Variants in LINGO2 observed in about 807,000 individuals in gnomAD.
LINGO2 encodes leucine rich repeat and Ig domain containing 2, also known as leucine-rich repeat and immunoglobulin-like domain-containing nogo receptor-interacting protein 2.
LINGO2 carries 14 observed loss-of-function variants against 30.6 expected under a neutral mutation model. That is an observed-to-expected ratio of 0.46 (90% confidence interval 0.30 to 0.72). The LOEUF (loss-of-function observed/expected upper bound fraction) is 0.72, where lower values mean the gene tolerates loss of function less well. LINGO2 is among the 30% of genes least tolerant of loss of function. The pLI, the probability that LINGO2 is intolerant of heterozygous loss-of-function variation, is 0.07. For missense variants in LINGO2, 729 were observed against 751.7 expected, an observed-to-expected ratio of 0.97 and a Z score of 0.35; for synonymous variants, 317 against 288.5, an observed-to-expected ratio of 1.10 and a Z score of -1.00.
chr9:28,322,393 C>G (rs143959717), intron 3 of LINGO2, among the ~76,000 whole-genome samples: 1 of 150,734 alleles, frequency 6.6e-6, no homozygotes. Context: ...GAATAGTAAG[C>G]CTCTTTTGCA....
At chr9:28,311,053 C>T (rs147797923) in intron 3 of LINGO2, among the ~76,000 whole-genome samples, 4 of 151,940 alleles carry the variant, frequency 2.6e-5, no homozygotes, top group East Asian at 3.9e-4. Context: ...AAGTGTCAGC[C>T]GGTCTGAGAA....
chr9:28,117,944 A>G (rs1005193715), intron 4 of LINGO2, among the ~76,000 whole-genome samples: 3 of 152,258 alleles, frequency 2.0e-5, no homozygotes, highest in Admixed American at 6.5e-5. Context: ...CATGAAGTGT[A>G]AAAGAGTCCA....
the LINGO2 span, among the ~76,000 whole-genome samples, chr9:28,996,397 C>T: frequency 6.6e-6 from 1 of 152,072 alleles, no homozygotes; most frequent in Non-Finnish European, 1.5e-5. Flanking sequence ...ATCACCAGGT[C>T]TACTACAGAT....
chr9:27,974,801 C>G (rs1179697252), intron 5 of LINGO2, among the ~76,000 whole-genome samples: 1 of 152,060 alleles, frequency 6.6e-6, no homozygotes, highest in Non-Finnish European at 1.5e-5. Context: ...TGCTTATCAC[C>G]TTAGAGAAAG....
At chr9:28,394,250 C>T (rs1351099352) in intron 2 of LINGO2, among the ~76,000 whole-genome samples, 1 of 152,142 alleles carries the variant, frequency 6.6e-6, no homozygotes, top group Admixed American at 6.5e-5. Context: ...AGACTATGAA[C>T]CACAGTTTGC....
At chr9:29,008,818 A>G in the LINGO2 span, among the ~76,000 whole-genome samples, 4 of 152,140 alleles carry the variant, frequency 2.6e-5, no homozygotes, top group African/African-American at 9.7e-5. Context: ...GCAGCACATC[A>G]AAAAGCTTAT....
chr9:28,924,215 G>A, the LINGO2 span, among the ~76,000 whole-genome samples: 1 of 151,738 alleles, frequency 6.6e-6, no homozygotes, highest in African/African-American at 2.4e-5. Flanking sequence ...CTCTGGGTAA[G>A]TATTCTTTCT....
chr9:28,802,002 A>G, the LINGO2 span, among the ~76,000 whole-genome samples: 1 of 151,866 alleles, frequency 6.6e-6, no homozygotes, highest in Admixed American at 6.6e-5. Flanking sequence ...TTTTCTATAT[A>G]TATATGATAC....
rs112622428 is a variant in LINGO2 at position 28,499,289 on chromosome 9, A to G, written c.-364-23264T>C. Among the ~76,000 whole-genome samples the G allele has an allele frequency of 2.2e-3, 331 of 152,316 alleles. 2 individuals carry two copies. The highest frequency in any genetic ancestry group is 7.6e-3 in the African/African-American group (316 of 41,580). ...TGGGGAATTAGGAAGTAGAAAGACC[A>G]TCTCAGTCAGACCTACCTGGGGTTT... is the stretch of plus-strand genomic sequence containing the variant. On this transcript the variant is annotated intron_variant, in intron 1 of 5. Coordinates refer to ENST00000379992, the Ensembl canonical transcript of LINGO2.
intron 4 of LINGO2, among the ~76,000 whole-genome samples, chr9:28,060,911 A>C (rs960233464): frequency 3.9e-5 from 6 of 151,986 alleles, no homozygotes; most frequent in African/African-American, 1.4e-4. Context: ...GTTTACAGAT[A>C]CGCTGTTTCT....
the LINGO2 span, among the ~76,000 whole-genome samples, chr9:29,047,301 A>G: frequency 6.6e-6 from 1 of 152,212 alleles, no homozygotes; most frequent in Non-Finnish European, 1.5e-5. Flanking sequence ...CATATGAAAA[A>G]AAGTTCAATA....
intron 1 of LINGO2, among the ~76,000 whole-genome samples, chr9:28,621,361 C>T (rs1488795820): frequency 6.6e-6 from 1 of 151,556 alleles, no homozygotes; most frequent in Non-Finnish European, 1.5e-5. Flanking sequence ...TAACAAGATA[C>T]AGGTCATTTC....
intron 5 of LINGO2, among the ~76,000 whole-genome samples, chr9:27,977,088 CTA>C (rs1820634853): frequency 6.6e-6 from 1 of 150,926 alleles, no homozygotes; most frequent in Non-Finnish European, 1.5e-5. Flanking sequence ...TCGTAAGATG[CTA>C]TCTCTCAATA....
At chr9:28,387,913 T>C (rs1196098225) in intron 2 of LINGO2, among the ~76,000 whole-genome samples, 2 of 152,110 alleles carry the variant, frequency 1.3e-5, no homozygotes, top group Non-Finnish European at 2.9e-5. Flanking sequence ...ACACCATCTT[T>C]AAGAACTGTA....
intron 4 of LINGO2, among the ~76,000 whole-genome samples, chr9:28,192,053 A>T (rs1587186694): frequency 1.3e-5 from 2 of 152,200 alleles, no homozygotes; most frequent in South Asian, 2.1e-4. Flanking sequence ...ATATCTAAAT[A>T]TGTACATTTC....
the LINGO2 span, among the ~76,000 whole-genome samples, chr9:28,693,646 T>C: frequency 2.3e-4 from 35 of 152,154 alleles, no homozygotes; most frequent in Non-Finnish European, 4.3e-4. Flanking sequence ...ATCTGAACTC[T>C]GTCTTGGAGT....
intron 4 of LINGO2, among the ~76,000 whole-genome samples, chr9:28,029,131 G>C (rs780296131): frequency 4.6e-5 from 7 of 152,116 alleles, no homozygotes; most frequent in African/African-American, 7.2e-5. Flanking sequence ...CAATTCATTT[G>C]TTTTATGGTA....
At chr9:28,165,483 C>T (rs192129864) in intron 4 of LINGO2, among the ~76,000 whole-genome samples, 20 of 152,262 alleles carry the variant, frequency 1.3e-4, no homozygotes, top group African/African-American at 4.8e-4. Flanking sequence ...CATATAGTAA[C>T]TTAACAGAAA....
intron 4 of LINGO2, among the ~76,000 whole-genome samples, chr9:28,108,884 T>C (rs989501675): frequency 2.6e-5 from 4 of 152,078 alleles, no homozygotes; most frequent in Admixed American, 6.6e-5. Context: ...TACATGGAGA[T>C]TAGACTCAAA....
Sources: gnomAD v4.1 joint callset for allele counts (sites outside exome capture counted in the v4.1 genomes callset) on GRCh38, gnomAD v4.1.1 for gene constraint, MANE v1.5 for transcripts, NCBI Gene and HGNC (gene_info 2026-07-23, HGNC 2026-07-21) for gene names.